The following DLGAP2 variants were observed in gnomAD, a reference collection of about 807,000 sequenced individuals.
DLGAP2 encodes disks large-associated protein 2.
In DLGAP2, 26 loss-of-function variants were observed where a neutral mutation model predicts 100.3. The ratio of observed to expected loss-of-function variants is 0.26; its 90% CI spans 0.19 to 0.36. The LOEUF (loss-of-function observed/expected upper bound fraction) is 0.36, where lower values mean the gene tolerates loss of function less well. Ranked by LOEUF, DLGAP2 falls within the 10% of genes least tolerant of loss-of-function variation. The pLI, the probability that DLGAP2 is intolerant of heterozygous loss-of-function variation, is 1.00. For missense variants in DLGAP2, 1,858 were observed against 1,453.2 expected (o/e 1.28, Z -4.53); for synonymous variants, 886 against 630.1 (o/e 1.41, Z -6.08).
intron 3 of DLGAP2, chr8:1,379,522 C>G (rs1287240316): frequency 6.6e-6 from 1 of 152,308 alleles, no homozygotes; most frequent in Non-Finnish European, 1.5e-5. Flanking sequence ...CCACCATGCG[C>G]CCTGCTGTGT....
intron 1 of DLGAP2, among the ~76,000 whole-genome samples, chr8:901,544 A>C (rs984149967): frequency 6.6e-6 from 1 of 152,198 alleles, no homozygotes; most frequent in Admixed American, 6.5e-5. Flanking sequence ...GAGGAGCGAG[A>C]CGTTAAATGA....
At chr8:1,300,938 C>G (rs1026535749) in intron 3 of DLGAP2, 1 of 152,278 alleles carries the variant, frequency 6.6e-6, no homozygotes, top group Non-Finnish European at 1.5e-5. Context: ...CCGAGCTCAG[C>G]GTCCTCCCTG....
intron 3 of DLGAP2, among the ~76,000 whole-genome samples, chr8:1,456,464 C>T (rs1365699164): frequency 6.6e-6 from 1 of 152,178 alleles, no homozygotes; most frequent in African/African-American, 2.4e-5. Context: ...TTGCTGCTTG[C>T]ACACAGCGGA....
intron 6 of DLGAP2, among the ~76,000 whole-genome samples, chr8:1,588,764 G>GAAAAA (rs1475002160): frequency 7.6e-6 from 1 of 132,200 alleles, no homozygotes. Context: ...AAAAAAAAAG[G>GAAAAA]AAAAAAAATT....
At chr8:916,785 G>A (rs1462199418) in intron 2 of DLGAP2, among the ~76,000 whole-genome samples, 1 of 152,244 alleles carries the variant, frequency 6.6e-6, no homozygotes, top group Non-Finnish European at 1.5e-5. Context: ...TTGTTGGGCA[G>A]TGGAAGTGAA....
intron 3 of DLGAP2, among the ~76,000 whole-genome samples, chr8:1,307,758 C>G (rs899038969): frequency 2.6e-5 from 4 of 152,122 alleles, no homozygotes; most frequent in African/African-American, 4.8e-5. Flanking sequence ...AAATGAAATT[C>G]GCCCGTCACA....
At chr8:1,252,858 A>G (rs1799079496) in intron 2 of DLGAP2, among the ~76,000 whole-genome samples, 2 of 152,214 alleles carry the variant, frequency 1.3e-5, no homozygotes, top group Admixed American at 6.5e-5. Context: ...GGAAGAGGAA[A>G]GACGTTGGTG....
intron 2 of DLGAP2, among the ~76,000 whole-genome samples, chr8:1,062,360 G>C (rs75652714): frequency 6.6e-6 from 1 of 152,216 alleles, no homozygotes; most frequent in East Asian, 1.9e-4. Flanking sequence ...AGGCACACTC[G>C]GTCGTCTTGG....
At chr8:914,721 T>C (rs1422173938) in intron 2 of DLGAP2, among the ~76,000 whole-genome samples, 1 of 152,252 alleles carries the variant, frequency 6.6e-6, no homozygotes, top group African/African-American at 2.4e-5. Context: ...GCCAATTTAA[T>C]GTGGAGACAT....
intron 2 of DLGAP2, among the ~76,000 whole-genome samples, chr8:973,425 C>A (rs1047181018): frequency 1.1e-3 from 169 of 151,678 alleles, no homozygotes; most frequent in Non-Finnish European, 2.1e-3. Context: ...CGCTCCTCAC[C>A]TCCCAGACGG....
intron 6 of DLGAP2, among the ~76,000 whole-genome samples, chr8:1,576,311 G>C: frequency 6.6e-6 from 1 of 152,074 alleles, no homozygotes; most frequent in East Asian, 1.9e-4. Context: ...TTGTTGATGG[G>C]GTTGTTTATT....
chr8:1,615,687 A>G (rs906235340), intron 6 of DLGAP2, among the ~76,000 whole-genome samples: 12 of 151,920 alleles, frequency 7.9e-5, no homozygotes, highest in Non-Finnish European at 1.6e-4. Flanking sequence ...CACCGGAAAG[A>G]TCTTTAAACA....
chr8:1,268,465 T>C (rs1473781044), intron 3 of DLGAP2, among the ~76,000 whole-genome samples: 2 of 152,232 alleles, frequency 1.3e-5, no homozygotes, highest in Non-Finnish European at 2.9e-5. Flanking sequence ...TAATGTGGGA[T>C]AGCGTCTGAC....
At chr8:828,539 C>T (rs184263917) in intron 1 of DLGAP2, among the ~76,000 whole-genome samples, 62 of 152,202 alleles carry the variant, frequency 4.1e-4, no homozygotes, top group African/African-American at 1.3e-3. Context: ...TTTCAGGGTG[C>T]CCACATTTCA....
At chr8:1,157,653 T>C (rs548479961) in intron 2 of DLGAP2, among the ~76,000 whole-genome samples, 1 of 152,268 alleles carries the variant, frequency 6.6e-6, no homozygotes, top group Admixed American at 6.5e-5. Flanking sequence ...AAATGTACTG[T>C]AGGAAGATAA....
At chr8:1,366,033 G>A (rs1390112697) in intron 3 of DLGAP2, among the ~76,000 whole-genome samples, 1 of 152,218 alleles carries the variant, frequency 6.6e-6, no homozygotes, top group African/African-American at 2.4e-5. Flanking sequence ...CCACAGAGGT[G>A]CCATCCCAGG....
At chr8:970,818 A>T (rs1445691594) in intron 2 of DLGAP2, among the ~76,000 whole-genome samples, 1 of 152,232 alleles carries the variant, frequency 6.6e-6, no homozygotes, top group Non-Finnish European at 1.5e-5. Flanking sequence ...TAGCCTTAAT[A>T]ACACACCAAA....
chr8:1,600,059 C>T (rs553679893), intron 6 of DLGAP2, among the ~76,000 whole-genome samples: 4 of 152,138 alleles, frequency 2.6e-5, no homozygotes, highest in Non-Finnish European at 5.9e-5. Flanking sequence ...TCTTGTAAGG[C>T]AGGCCTGGTG....
intron 8 of DLGAP2, among the ~76,000 whole-genome samples, chr8:1,660,992 G>A (rs2130824830): frequency 6.6e-6 from 1 of 152,312 alleles, no homozygotes; most frequent in Admixed American, 6.5e-5. Flanking sequence ...TGCACTTCCT[G>A]TCTACGAGAC....
Sources: gnomAD v4.1 joint callset for allele counts (sites outside exome capture counted in the v4.1 genomes callset) on GRCh38, gnomAD v4.1.1 for gene constraint, MANE v1.5 for transcripts, NCBI Gene and HGNC (gene_info 2026-07-23, HGNC 2026-07-21) for gene names.